The following CTNNBIP1 variants were observed in gnomAD, a reference collection of about 807,000 sequenced individuals.
CTNNBIP1 encodes the protein catenin beta interacting protein 1.
In CTNNBIP1, 7 loss-of-function variants were observed where a neutral mutation model predicts 11.8. The observed-to-expected ratio is 0.60, with a 90% CI of 0.34 to 1.12. CTNNBIP1 has a LOEUF of 1.12. Among genes scored for constraint, CTNNBIP1 ranks in the 50% most tolerant of loss-of-function variants. The pLI is 0.03. For synonymous variants in CTNNBIP1, 58 were observed against 43.9 expected, an observed-to-expected ratio of 1.32 and a Z score of -1.26; for missense variants, 101 against 113.4, an observed-to-expected ratio of 0.89 and a Z score of 0.50.
intron 1 of CTNNBIP1, among the ~76,000 whole-genome samples, chr1:9,892,288 G>C (rs962265899): frequency 6.6e-6 from 1 of 152,132 alleles, no homozygotes; most frequent in Non-Finnish European, 1.5e-5. Flanking sequence ...CAGGCGTGGT[G>C]GTGGGTGCCT....
intron 2 of CTNNBIP1, among the ~76,000 whole-genome samples, chr1:9,879,076 A>G (rs1639030072): frequency 6.6e-6 from 1 of 152,232 alleles, no homozygotes; most frequent in African/African-American, 2.4e-5. Flanking sequence ...GGGCGCCTGT[A>G]ATCCCAGCTA....
Position 9,872,012 on chromosome 1 carries a change from T to G in CTNNBIP1, c.53A>C (p.Gln18Pro), listed in dbSNP as rs1343663953. 1 of 1,614,208 alleles carries G rather than the reference T, an allele frequency of 6.2e-7. No homozygotes were observed. The highest frequency in any genetic ancestry group is 1.1e-5 in the South Asian group (1 of 91,092). The part of the protein sequence containing the change: ...GKSPEEMYIQ[Q>P]KVRVLLMLRK... The stretch of plus-strand genomic sequence containing the variant: ...CAGCATGAGCAGCACTCGGACCTTC[T>G]GCTGAATGTACATCTCCTCCGGACT... Residue 18 changes from glutamine to proline, a missense_variant, in exon 4 of 6, where the codon CAG becomes CCG. Physicochemically the swap from Gln to Pro is moderately conservative, Grantham distance 76. Coordinates refer to ENST00000377263, the MANE Select transcript of CTNNBIP1 (RefSeq NM_020248.3). This position sits in a 1 kb window ranked among gnomAD's most constrained non-coding sequence, Gnocchi z 4.0.
At chr1:9,902,281 C>G (rs1308750073) in intron 1 of CTNNBIP1, among the ~76,000 whole-genome samples, 2 of 152,184 alleles carry the variant, frequency 1.3e-5, no homozygotes, top group African/African-American at 2.4e-5. Context: ...GAGACAAGGT[C>G]TGGCGCCTGT....
Position 9,875,486 on chromosome 1 carries a change from C to T in CTNNBIP1, c.-25+2419G>A, listed in dbSNP as rs557106960. Among the ~76,000 whole-genome samples, 9 of 152,352 alleles carry T rather than the reference C, an allele frequency of 5.9e-5. No homozygotes were observed. In the South Asian group the frequency reaches 8.3e-4, roughly 14 times the overall value. On this transcript the variant is annotated intron_variant, in intron 3 of 5. Coordinates refer to ENST00000377263, the MANE Select transcript of CTNNBIP1 (RefSeq NM_020248.3). The stretch of plus-strand genomic sequence containing the variant: ...ACTGATAGGTGCCGCCCCGTCTTCC[C>T]GGCTGGTGCAGCCTCGCCGTCCCGG...
intron 5 of CTNNBIP1, among the ~76,000 whole-genome samples, chr1:9,860,438 A>AC (rs2101450111): frequency 6.7e-6 from 1 of 149,996 alleles, no homozygotes; most frequent in African/African-American, 2.4e-5. Flanking sequence ...TAAAAAAAAA[A>AC]AAAAAAAAAA....
At chr1:9,880,829 G>A (rs149698974) in intron 2 of CTNNBIP1, among the ~76,000 whole-genome samples, 1 of 152,256 alleles carries the variant, frequency 6.6e-6, no homozygotes, top group Non-Finnish European at 1.5e-5. Context: ...GATTGGTTGT[G>A]CACCGTGAGG....
At chr1:9,874,700 C>A (rs1035107888) in intron 3 of CTNNBIP1, among the ~76,000 whole-genome samples, 3 of 152,206 alleles carry the variant, frequency 2.0e-5, no homozygotes, top group Non-Finnish European at 2.9e-5. Context: ...AAATACTGCC[C>A]GCTTGGCTAA....
intron 5 of CTNNBIP1, among the ~76,000 whole-genome samples, chr1:9,859,631 C>T (rs1055399285): frequency 2.0e-5 from 3 of 152,354 alleles, no homozygotes; most frequent in Admixed American, 2.0e-4. Flanking sequence ...CAGCTCGATG[C>T]ATTTCCTGAA....
In CTNNBIP1 at chr1:9,858,343, C is replaced by T. The variant is rs79926335; in HGVS notation, c.188-7567G>A. On this transcript the variant is annotated intron_variant, in intron 5 of 5. Coordinates refer to ENST00000377263, the MANE Select transcript of CTNNBIP1 (RefSeq NM_020248.3). ...CTACTGCAAGACTGCTCATCATACT[C>T]AAGGCCAACGCCCACCTCCTCACTG... Among the ~76,000 whole-genome samples the T allele has an allele frequency of 2.4e-4, 37 of 152,312 alleles. 1 individual carries two copies. The East Asian group carries it at 7.1e-3, about 29-fold the overall frequency.
intron 5 of CTNNBIP1, among the ~76,000 whole-genome samples, chr1:9,858,113 C>A (rs1019001112): frequency 2.6e-5 from 4 of 152,170 alleles, no homozygotes; most frequent in African/African-American, 7.2e-5. Context: ...CTCTACTTCG[C>A]TACTTATAAG....
At chr1:9,895,717 T>C (rs1247686169) in intron 1 of CTNNBIP1, among the ~76,000 whole-genome samples, 2 of 151,614 alleles carry the variant, frequency 1.3e-5, no homozygotes, top group East Asian at 3.9e-4. Flanking sequence ...GGCTGGTCTC[T>C]CGAACTCCTG....
At chr1:9,868,282 C>T (rs1638789273) in intron 5 of CTNNBIP1, among the ~76,000 whole-genome samples, 1 of 152,192 alleles carries the variant, frequency 6.6e-6, no homozygotes, top group Non-Finnish European at 1.5e-5. Context: ...CCAGAAGACC[C>T]CTCCCCGGAG....
chr1:9,899,630 A>C (rs957304273), intron 1 of CTNNBIP1, among the ~76,000 whole-genome samples: 3 of 151,608 alleles, frequency 2.0e-5, no homozygotes, highest in African/African-American at 7.3e-5. Flanking sequence ...ATGGTGACGC[A>C]TGGCTGTAAT....
chr1:9,862,777 A>T (rs1296206315), intron 5 of CTNNBIP1, among the ~76,000 whole-genome samples: 1 of 152,152 alleles, frequency 6.6e-6, no homozygotes, highest in Admixed American at 6.5e-5. Flanking sequence ...AAAGCTCTTT[A>T]CGCATTAGTT....
intron 1 of CTNNBIP1, among the ~76,000 whole-genome samples, chr1:9,895,647 C>A (rs1276403317): frequency 2.0e-5 from 3 of 152,106 alleles, no homozygotes; most frequent in Non-Finnish European, 4.4e-5. Context: ...AGGTGCACGC[C>A]ACCATGCCCA....
At chr1:9,898,884 G>A (rs1639462930) in intron 1 of CTNNBIP1, among the ~76,000 whole-genome samples, 2 of 151,798 alleles carry the variant, frequency 1.3e-5, no homozygotes, top group African/African-American at 4.8e-5. Context: ...ATACTATATT[G>A]GTTTTTTATT....
At chr1:9,897,896 G>A (rs1388614433) in intron 1 of CTNNBIP1, among the ~76,000 whole-genome samples, 4 of 152,000 alleles carry the variant, frequency 2.6e-5, no homozygotes, top group Admixed American at 2.0e-4. Context: ...CGAGGTGGGC[G>A]GATCACAGGG....
At chr1:9,898,466 G>C (rs1272824498) in intron 1 of CTNNBIP1, among the ~76,000 whole-genome samples, 1 of 152,194 alleles carries the variant, frequency 6.6e-6, no homozygotes, top group Non-Finnish European at 1.5e-5. Context: ...GGAGGTTGCA[G>C]TGAGCCAAGA....
At chr1:9,869,839 G>A (rs918274142) in intron 5 of CTNNBIP1, among the ~76,000 whole-genome samples, 1 of 152,218 alleles carries the variant, frequency 6.6e-6, no homozygotes, top group Non-Finnish European at 1.5e-5. Flanking sequence ...ATGGTAGAGG[G>A]TGCCATGCTA....
Sources: gnomAD v4.1 joint callset for allele counts (sites outside exome capture counted in the v4.1 genomes callset) on GRCh38, gnomAD v4.1.1 for gene constraint, Gnocchi (gnomAD v3.1) non-coding constraint, MANE v1.5 for transcripts, NCBI Gene and HGNC (gene_info 2026-07-23, HGNC 2026-07-21) for gene names.